The following SLC39A10 variants were observed in gnomAD, a reference collection of about 807,000 sequenced individuals.
SLC39A10 encodes the protein solute carrier family 39 member 10, also known as zinc transporter ZIP10.
A neutral mutation model predicts 65.1 loss-of-function variants in SLC39A10; 13 were observed. The observed-to-expected ratio is 0.20, with a 90% CI of 0.13 to 0.32. The LOEUF is 0.32. Among genes scored for constraint, SLC39A10 ranks in the 10% least tolerant of loss-of-function variants. The probability of loss-of-function intolerance (pLI) is 1.00; values close to 1 mark genes in which losing one functional copy is unlikely to be tolerated. For missense variants in SLC39A10, 831 were observed against 1,018.4 expected, an observed-to-expected ratio of 0.82 and a Z score of 2.50; for synonymous variants, 321 against 342.2, an observed-to-expected ratio of 0.94 and a Z score of 0.68.
intron 1 of SLC39A10, chr2:195,658,341 C>G (rs1175399377): frequency 1.3e-5 from 2 of 152,106 alleles, no homozygotes; most frequent in Non-Finnish European, 2.9e-5. Flanking sequence ...CTGAAGCCCT[C>G]CGTTGGAAGG....
At chr2:195,633,333 G>A (rs1688629545) in intron 2 of SLC39A10, among the ~76,000 whole-genome samples, 1 of 152,264 alleles carries the variant, frequency 6.6e-6, no homozygotes, top group South Asian at 2.1e-4. Context: ...AGGAGGCTAG[G>A]CTAGTGTTTT....
intron 3 of SLC39A10, among the ~76,000 whole-genome samples, chr2:195,698,562 C>T (rs1201825730): frequency 6.6e-6 from 1 of 151,884 alleles, no homozygotes; most frequent in Non-Finnish European, 1.5e-5. Context: ...TTTTTCTGCT[C>T]ATTGAGATGA....
At chr2:195,708,988 T>C in intron 5 of SLC39A10, 144 bp downstream of exon 5, 1 of 618,848 alleles carries the variant, frequency 1.6e-6, no homozygotes, top group East Asian at 3.2e-5. Context: ...AGTAAAAAGC[T>C]GACTTTGGTT....
chr2:195,624,627 C>A (rs1688424536), intron 2 of SLC39A10, among the ~76,000 whole-genome samples: 1 of 151,896 alleles, frequency 6.6e-6, no homozygotes, highest in Admixed American at 6.6e-5. Context: ...GTAATCCCAG[C>A]ACTTTGGGAA....
rs1490984866 is a variant in SLC39A10 at position 195,645,137 on chromosome 2, G to A, written c.-11-34895G>A. 6.6e-5 allele frequency among the ~76,000 whole-genome samples: 10 copies of A among 151,676 alleles called. No homozygotes were observed. The South Asian group carries it at 1.9e-3, about 28-fold the overall frequency. On this transcript the variant is annotated intron_variant, in intron 2 of 2. Coordinates refer to the SLC39A10 transcript ENST00000458054. Reference sequence around the variant, plus strand: ...TTGGTCAGGCTGGTCTCGAACTTCCGACCTCAGGTGATCCGCCTGCCTCGG... The same window carrying A: ...TTGGTCAGGCTGGTCTCGAACTTCCAACCTCAGGTGATCCGCCTGCCTCGG...
At chr2:195,676,269 A>G (rs980409725) in intron 1 of SLC39A10, among the ~76,000 whole-genome samples, 2 of 150,948 alleles carry the variant, frequency 1.3e-5, no homozygotes, top group Non-Finnish European at 2.9e-5. Flanking sequence ...GGCTCACTGC[A>G]ACCTCCACCT....
chr2:195,635,727 G>C (rs1408260196), intron 2 of SLC39A10, among the ~76,000 whole-genome samples: 1 of 116,710 alleles, frequency 8.6e-6, no homozygotes, highest in Non-Finnish European at 1.7e-5. Context: ...TTTTTTACTT[G>C]AAAGACTGAC....
intron 2 of SLC39A10, among the ~76,000 whole-genome samples, chr2:195,681,487 T>G (rs1363194808): frequency 6.6e-6 from 1 of 152,122 alleles, no homozygotes; most frequent in East Asian, 1.9e-4. Context: ...ATCATGCCAC[T>G]GCACTCCAGC....
chr2:195,697,312 AT>A (rs1404221335), intron 3 of SLC39A10, among the ~76,000 whole-genome samples: 3 of 152,192 alleles, frequency 2.0e-5, no homozygotes, highest in African/African-American at 7.2e-5. Flanking sequence ...ACTAGAACTA[AT>A]TTCTGCAGAT....
chr2:195,729,367 A>G (rs562499165), intron 9 of SLC39A10, among the ~76,000 whole-genome samples: 99 of 152,294 alleles, frequency 6.5e-4, no homozygotes, highest in Non-Finnish European at 8.4e-4. Flanking sequence ...TTTGTTTACA[A>G]AGTTACCTAG....
At chr2:195,654,519 T>C (rs1689108296), upstream of SLC39A10, among the ~76,000 whole-genome samples, 1 of 152,204 alleles carries the variant, frequency 6.6e-6, no homozygotes, top group Admixed American at 6.5e-5. Flanking sequence ...TGTGAACTAA[T>C]ATTGTGGCTG....
At chr2:195,713,355 T>C (rs1226321489) in intron 5 of SLC39A10, 78 bp from the exon 6 acceptor site, 1 of 1,196,854 alleles carries the variant, frequency 8.4e-7, no homozygotes, top group Non-Finnish European at 1.1e-6. Flanking sequence ...CCTGTAGGTG[T>C]TAATGAGTCA....
intron 2 of SLC39A10, among the ~76,000 whole-genome samples, chr2:195,645,225 TA>T (rs879534399): frequency 2.8e-3 from 402 of 144,576 alleles, no homozygotes; most frequent in Middle Eastern, 6.9e-3. Context: ...CTACTTTATT[TA>T]AAAAAAAAAA....
chr2:195,675,038 C>G (rs1335218721), intron 1 of SLC39A10, among the ~76,000 whole-genome samples: 1 of 152,104 alleles, frequency 6.6e-6, no homozygotes, highest in African/African-American at 2.4e-5. Flanking sequence ...TTACTATACA[C>G]TACTGTAAAC....
intron 1 of SLC39A10, among the ~76,000 whole-genome samples, chr2:195,668,656 TA>T (rs1266431563): frequency 6.6e-6 from 1 of 152,210 alleles, no homozygotes; most frequent in Non-Finnish European, 1.5e-5. Flanking sequence ...CATTTTCCTT[TA>T]AAAAAATACT....
chr2:195,676,749 T>A (rs975641415), intron 1 of SLC39A10, among the ~76,000 whole-genome samples: 9 of 152,356 alleles, frequency 5.9e-5, no homozygotes, highest in South Asian at 2.1e-4. Context: ...TTGTCTTGAT[T>A]GTCCTTGGGT....
At chr2:195,619,369 G>A (rs1012832828) in intron 2 of SLC39A10, among the ~76,000 whole-genome samples, 2 of 152,184 alleles carry the variant, frequency 1.3e-5, no homozygotes, top group African/African-American at 4.8e-5. Flanking sequence ...TGTGCATGTG[G>A]TGCTGCTGAG....
intron 1 of SLC39A10, among the ~76,000 whole-genome samples, chr2:195,677,511 G>A (rs1175758069): frequency 6.6e-6 from 1 of 151,422 alleles, no homozygotes; most frequent in East Asian, 1.9e-4. Context: ...TCTAGCCTGG[G>A]TGTCACAGTG....
intron 1 of SLC39A10, among the ~76,000 whole-genome samples, chr2:195,659,598 A>G (rs1328348095): frequency 2.0e-5 from 3 of 152,166 alleles, no homozygotes; most frequent in African/African-American, 7.2e-5. Context: ...AATACTGGAA[A>G]AAATTTAGGG....
Sources: gnomAD v4.1 joint callset for allele counts (sites outside exome capture counted in the v4.1 genomes callset) on GRCh38, gnomAD v4.1.1 for gene constraint, MANE v1.5 for transcripts, NCBI Gene and HGNC (gene_info 2026-07-23, HGNC 2026-07-21) for gene names.